KCNQ1: variants seen among roughly 807,000 people sequenced by gnomAD.
The protein encoded by KCNQ1 is potassium voltage-gated channel subfamily KQT member 1.
A neutral mutation model predicts 72.4 loss-of-function variants in KCNQ1; 49 were observed. That is an observed-to-expected ratio of 0.68 (90% CI 0.54 to 0.86). KCNQ1 has a LOEUF of 0.86. KCNQ1 is among the 40% of genes least tolerant of loss of function. The probability of loss-of-function intolerance (pLI) is 0.00; values close to 1 mark genes in which losing one functional copy is unlikely to be tolerated. For missense variants in KCNQ1, 790 were observed against 945.1 expected, an observed-to-expected ratio of 0.84 and a Z score of 2.15; for synonymous variants, 450 against 412.6, an observed-to-expected ratio of 1.09 and a Z score of -1.10.
chr11:2,693,437 G>A, intron 11 of KCNQ1: 1 of 398,656 alleles, frequency 2.5e-6, no homozygotes. Flanking sequence ...CCAGGCGCTG[G>A]CCCCCCATCG....
chr11:2,810,367 C>T (rs540770635), intron 15 of KCNQ1, among the ~76,000 whole-genome samples: 3 of 152,370 alleles, frequency 2.0e-5, no homozygotes, highest in Non-Finnish European at 2.9e-5. Flanking sequence ...AGGCCACCAT[C>T]TCTGTTCTCT....
At chr11:2,770,788 T>C (rs1171817528) in intron 12 of KCNQ1, among the ~76,000 whole-genome samples, 1 of 152,218 alleles carries the variant, frequency 6.6e-6, no homozygotes, top group Non-Finnish European at 1.5e-5. Context: ...GGTGCTGGCA[T>C]GGAGGGCCTT....
chr11:2,504,767 A>G (rs1424718368), intron 1 of KCNQ1, among the ~76,000 whole-genome samples: 1 of 152,148 alleles, frequency 6.6e-6, no homozygotes, highest in East Asian at 1.9e-4. Flanking sequence ...AATAAATAAG[A>G]CGAAAAGAGT....
chr11:2,591,865 C>T, intron 10 of KCNQ1, among the ~76,000 whole-genome samples: 1 of 152,252 alleles, frequency 6.6e-6, no homozygotes, highest in East Asian at 1.9e-4. Context: ...TGGCCTGGCC[C>T]CCAGGGACAG....
chr11:2,713,507 T>C lies in KCNQ1; in HGVS notation c.1514+51426T>C, dbSNP rs1851040572. Among the ~76,000 whole-genome samples the C allele has an allele frequency of 6.6e-6, 1 of 152,244 alleles. No individual in the cohort carries two copies. The highest frequency in any genetic ancestry group is 1.5e-5 in the Non-Finnish European group (1 of 68,034). On this transcript the variant is annotated intron_variant, in intron 11 of 15. Coordinates refer to ENST00000155840, the MANE Select transcript of KCNQ1 (RefSeq NM_000218.3). This position sits in a 1 kb window ranked among gnomAD's most constrained non-coding sequence, Gnocchi z 5.6. ...TCGCCATCCCCATTATTTCTTCACTTTCTCCAGCTGAATTTTTCCCACTGT... is the reference window on the plus strand; with the variant it reads ...TCGCCATCCCCATTATTTCTTCACTCTCTCCAGCTGAATTTTTCCCACTGT...
rs1405559782 is a variant in KCNQ1, at chr11:2,588,353, C to T, written c.1252-360C>T. Among the ~76,000 whole-genome samples the T allele has an allele frequency of 6.6e-6, 1 of 152,218 alleles. No homozygotes were observed. The highest frequency in any genetic ancestry group is 1.5e-5 in the Non-Finnish European group (1 of 68,036). ...CAGCCTGCTCCCTCACTTCAGGCGCCCTCTTCATGCCCTGCTGGCCCCCAG... is the reference window on the plus strand; with the variant it reads ...CAGCCTGCTCCCTCACTTCAGGCGCTCTCTTCATGCCCTGCTGGCCCCCAG... On this transcript the variant is annotated intron_variant, in intron 9 of 15. Coordinates refer to ENST00000155840, the MANE Select transcript of KCNQ1 (RefSeq NM_000218.3). This position sits in a 1 kb window ranked among gnomAD's most constrained non-coding sequence, Gnocchi z 5.6.
chr11:2,599,431 A>C lies in KCNQ1; in HGVS notation c.1393+10577A>C, dbSNP rs969940390. ...CTCTGCTTAATTTCCTTTGGTGTAC[A>C]TACTCTGTGATGTTCTCTATCGCTT... On this transcript the variant is annotated intron_variant, in intron 10 of 15. Coordinates refer to ENST00000155840, the MANE Select transcript of KCNQ1 (RefSeq NM_000218.3). The surrounding 1 kb of genome is among the most constrained non-coding windows in gnomAD (Gnocchi z 4.7). Among the ~76,000 whole-genome samples, 5 of 152,178 alleles carry C rather than the reference A, an allele frequency of 3.3e-5. No individual in the cohort carries two copies. Among genetic ancestry groups the C allele is most frequent in the African/African-American group, 9.7e-5 (4 of 41,430 alleles).
chr11:2,825,259 G>A (rs1360647598), intron 15 of KCNQ1, among the ~76,000 whole-genome samples: 1 of 152,230 alleles, frequency 6.6e-6, no homozygotes, highest in African/African-American at 2.4e-5. Flanking sequence ...TCCTGGCAGG[G>A]TGGGCTCTGC....
chr11:2,821,435 C>A (rs1432184417), intron 15 of KCNQ1, among the ~76,000 whole-genome samples: 1 of 152,184 alleles, frequency 6.6e-6, no homozygotes, highest in Admixed American at 6.5e-5. Flanking sequence ...TGTCCTGAAT[C>A]ATTGCTCTGG....
rs1847947597 is a variant in KCNQ1, at chr11:2,549,503, T to G, written c.478-21125T>G. On this transcript the variant is annotated intron_variant, in intron 2 of 15. Coordinates refer to ENST00000155840, the MANE Select transcript of KCNQ1 (RefSeq NM_000218.3). This position sits in a 1 kb window ranked among gnomAD's most constrained non-coding sequence, Gnocchi z 6.2. The stretch of plus-strand genomic sequence containing the variant: ...CCCTCGAGGAGGGTCCCCCGGGGGC[T>G]GCAAAAGCAGAGGGAGTGGAGTGTC... Among the ~76,000 whole-genome samples, 1 of 152,102 alleles carries G rather than the reference T, an allele frequency of 6.6e-6. No individual in the cohort carries two copies. Among genetic ancestry groups the G allele is most frequent in the Admixed American group, 6.5e-5 (1 of 15,278 alleles).
intron 1 of KCNQ1, chr11:2,461,630 G>T (rs781019688): frequency 2.9e-6 from 4 of 1,365,204 alleles, no homozygotes; most frequent in South Asian, 2.3e-5. Context: ...CAGGTTTCTG[G>T]CTCTCGGGAA....
chr11:2,806,126 G>A (rs2134032525), intron 15 of KCNQ1, among the ~76,000 whole-genome samples: 1 of 152,300 alleles, frequency 6.6e-6, no homozygotes, highest in South Asian at 2.1e-4. Flanking sequence ...GGGAGGTGGT[G>A]CCCAAAACAT....
rs1846888633 is a variant in KCNQ1 at position 2,495,083 on chromosome 11, A to C, written c.387-32845A>C. 6.6e-6 allele frequency among the ~76,000 whole-genome samples: 1 copy of C among 152,182 alleles called. No homozygotes were observed. On this transcript the variant is annotated intron_variant, in intron 1 of 15. Transcript: ENST00000155840. The surrounding 1 kb of genome is among the most constrained non-coding windows in gnomAD (Gnocchi z 4.6). ...TTAGTCTTGGAGGGTGTATGTGTCC[A>C]GGAATTTATCCATTTTTTCTAGATT... is the stretch of plus-strand genomic sequence containing the variant.
At position 2,720,974 on chromosome 11, in the gene KCNQ1, G is replaced by A. The variant is rs1338715609; in HGVS notation, c.1515-47870G>A. Among the ~76,000 whole-genome samples the A allele has an allele frequency of 1.3e-5, 2 of 152,148 alleles. No homozygotes were observed. Among genetic ancestry groups the A allele is most frequent in the Non-Finnish European group, 2.9e-5 (2 of 68,034 alleles). On this transcript the variant is annotated intron_variant, in intron 11 of 15. Transcript: ENST00000155840. The surrounding 1 kb of genome is among the most constrained non-coding windows in gnomAD (Gnocchi z 5.1). ...GGGCTCTCAGATTTCCAGGGACTCG[G>A]GCAGGCACAGCTTTCCAGGCCAGAG...
At chr11:2,618,532 G>T (rs915706636) in intron 10 of KCNQ1, 6 of 398,308 alleles carry the variant, frequency 1.5e-5, no homozygotes, top group African/African-American at 1.2e-4. Context: ...TTCTTTCTGG[G>T]CTCTCTATTC....
intron 2 of KCNQ1, among the ~76,000 whole-genome samples, chr11:2,532,536 G>A (rs1268136155): frequency 3.3e-5 from 5 of 152,214 alleles, no homozygotes; most frequent in Admixed American, 6.5e-5. Context: ...TGAGGCAGCC[G>A]TGGGCCTGGC....
At position 2,659,926 on chromosome 11, in the gene KCNQ1, T is replaced by C. The variant is rs950959198; in HGVS notation, c.1394-2035T>C. On this transcript the variant is annotated intron_variant, in intron 10 of 15. Coordinates refer to ENST00000155840, the MANE Select transcript of KCNQ1 (RefSeq NM_000218.3). The surrounding 1 kb of genome is among the most constrained non-coding windows in gnomAD (Gnocchi z 4.3). ...TGTCAAGTTGTAAGCATTCTTTATATATTCTGAGTGCAAGTCCTTGACCTG... is the reference window on the plus strand; with the variant it reads ...TGTCAAGTTGTAAGCATTCTTTATACATTCTGAGTGCAAGTCCTTGACCTG... 2.5e-6 allele frequency: 1 copy of C among 398,486 alleles called. No homozygotes were observed. Among genetic ancestry groups the C allele is most frequent in the Non-Finnish European group, 4.4e-6 (1 of 226,000 alleles). 24.7% of individuals were successfully genotyped at this position (398,486 alleles called of 1,614,324 possible). A position where few individuals can be genotyped will look rare whatever the true frequency, so the allele number is the denominator to read the frequency against.
chr11:2,669,693 G>A lies in KCNQ1; in HGVS notation c.1514+7612G>A. On this transcript the variant is annotated intron_variant, in intron 11 of 15. Transcript: ENST00000155840. This position sits in a 1 kb window ranked among gnomAD's most constrained non-coding sequence, Gnocchi z 5.6. ...TAGTGTAAGGCCTTGAGGAGATGGTGTTAGGCATCCAGCCACATACCTGAC... is the reference window on the plus strand; with the variant it reads ...TAGTGTAAGGCCTTGAGGAGATGGTATTAGGCATCCAGCCACATACCTGAC... The A allele has an allele frequency of 2.5e-6, 1 of 398,660 alleles. No individual in the cohort carries two copies. The highest frequency in any genetic ancestry group is 4.4e-6 in the Non-Finnish European group (1 of 226,094). The allele number at this position is 398,660 out of a possible 1,614,324, so 24.7% of individuals were successfully genotyped here.
At chr11:2,758,860 A>G (rs2133971020) in intron 11 of KCNQ1, among the ~76,000 whole-genome samples, 1 of 152,300 alleles carries the variant, frequency 6.6e-6, no homozygotes, top group African/African-American at 2.4e-5. Context: ...GTAGGGATGG[A>G]GATCAGATGG....
Sources: gnomAD v4.1 joint callset for allele counts (sites outside exome capture counted in the v4.1 genomes callset) on GRCh38, gnomAD v4.1.1 for gene constraint, Gnocchi (gnomAD v3.1) non-coding constraint, MANE v1.5 for transcripts, NCBI Gene and HGNC (gene_info 2026-07-23, HGNC 2026-07-21) for gene names.